The following RARB variants were observed in gnomAD, a reference collection of about 807,000 sequenced individuals.
The protein encoded by RARB is HBV-activated protein.
In RARB, 17 loss-of-function variants were observed where a neutral mutation model predicts 51.9. The observed-to-expected ratio is 0.33, with a 90% CI of 0.22 to 0.49. RARB has a LOEUF of 0.49. RARB is among the 20% of genes least tolerant of loss of function. The probability of loss-of-function intolerance (pLI) is 0.99; values close to 1 mark genes in which losing one functional copy is unlikely to be tolerated. For missense variants in RARB, 369 were observed against 550.8 expected, an observed-to-expected ratio of 0.67 and a Z score of 3.30; for synonymous variants, 215 against 195.4, an observed-to-expected ratio of 1.10 and a Z score of -0.84.
At chr3:25,414,537 G>C (rs1707650886) in intron 5 of RARB, among the ~76,000 whole-genome samples, 1 of 152,156 alleles carries the variant, frequency 6.6e-6, no homozygotes, top group Non-Finnish European at 1.5e-5. Flanking sequence ...GTATATGAGA[G>C]TTATAGTTTC....
intron 4 of RARB, among the ~76,000 whole-genome samples, chr3:25,140,224 T>G (rs58565307): frequency 6.6e-6 from 1 of 152,196 alleles, no homozygotes; most frequent in Non-Finnish European, 1.5e-5. Context: ...GATAGTGATT[T>G]CTCTGATGGA....
Position 25,593,531 on chromosome 3 carries a change from C to A in RARB, c.815C>A (p.Pro272Gln). The A allele has an allele frequency of 6.2e-7, 1 of 1,613,906 alleles. No homozygotes were observed. Among genetic ancestry groups the A allele is most frequent in the Non-Finnish European group, 8.5e-7 (1 of 1,179,908 alleles). ...CTTAGAATTTGCACCAGGTATACCC[C>A]AGAACAAGACACCATGACTTTCTCA... ...LILRICTRYT[P>Q]EQDTMTFSDG... is the part of the protein sequence containing the mutation. The change falls in exon 6 of 8, where the codon CCA becomes CAA. Residue 272 changes from proline (P) to glutamine (Q), a missense_variant. Pro to Gln is a moderately conservative substitution (Grantham distance 76). Coordinates refer to ENST00000330688, the MANE Select transcript of RARB (RefSeq NM_000965.5).
intron 5 of RARB, among the ~76,000 whole-genome samples, chr3:25,405,787 A>T (rs376603879): frequency 6.6e-6 from 1 of 152,212 alleles, no homozygotes. Flanking sequence ...TTATTGGACA[A>T]TGCTGCTCTG....
intron 2 of RARB, among the ~76,000 whole-genome samples, chr3:25,023,451 C>T (rs1697679963): frequency 1.3e-5 from 2 of 152,116 alleles, no homozygotes; most frequent in Non-Finnish European, 2.9e-5. Context: ...AGGCCTAGGA[C>T]TAATAGCTCA....
chr3:25,370,443 A>G (rs1706263625), intron 5 of RARB, among the ~76,000 whole-genome samples: 1 of 152,212 alleles, frequency 6.6e-6, no homozygotes. Context: ...TGGGAAATCT[A>G]AGTTGGGCCT....
intron 2 of RARB, among the ~76,000 whole-genome samples, chr3:24,859,328 T>C (rs1335093145): frequency 6.6e-6 from 1 of 152,112 alleles, no homozygotes. Flanking sequence ...AAAGTGGGAA[T>C]GGATTCAGGG....
intron 5 of RARB, among the ~76,000 whole-genome samples, chr3:25,271,633 A>G (rs1703260253): frequency 6.6e-6 from 1 of 152,194 alleles, no homozygotes; most frequent in African/African-American, 2.4e-5. Flanking sequence ...AGCATCTGAG[A>G]GGAAGGTTAG....
At chr3:25,164,933 T>G (rs1183686423) in intron 4 of RARB, among the ~76,000 whole-genome samples, 1 of 152,052 alleles carries the variant, frequency 6.6e-6, no homozygotes, top group Admixed American at 6.6e-5. Context: ...CAGTAACATA[T>G]CAGGCTTAAT....
At chr3:25,261,104 T>C (rs1702986711) in intron 5 of RARB, among the ~76,000 whole-genome samples, 1 of 152,110 alleles carries the variant, frequency 6.6e-6, no homozygotes, top group Non-Finnish European at 1.5e-5. Flanking sequence ...GGGTTTCTGG[T>C]AGGGAGTACA....
chr3:25,123,338 C>T (rs1004514139), intron 3 of RARB, among the ~76,000 whole-genome samples: 1 of 152,178 alleles, frequency 6.6e-6, no homozygotes, highest in African/African-American at 2.4e-5. Flanking sequence ...ATTTTGTAGG[C>T]TGCTCCTGTG....
At chr3:24,943,474 T>C (rs947101279) in intron 2 of RARB, among the ~76,000 whole-genome samples, 1 of 152,198 alleles carries the variant, frequency 6.6e-6, no homozygotes, top group African/African-American at 2.4e-5. Flanking sequence ...TTGTGGGCCA[T>C]ATGTTAGCAC....
At chr3:25,132,158 A>G (rs1699964633) in intron 3 of RARB, among the ~76,000 whole-genome samples, 1 of 151,874 alleles carries the variant, frequency 6.6e-6, no homozygotes, top group Non-Finnish European at 1.5e-5. Context: ...TCTTCTCCTC[A>G]AGGAAGGCTT....
chr3:25,024,064 C>G (rs1324902138), intron 2 of RARB, among the ~76,000 whole-genome samples: 5 of 152,128 alleles, frequency 3.3e-5, no homozygotes, highest in Non-Finnish European at 7.3e-5. Flanking sequence ...GCTCTACTCT[C>G]AGAGTCTTCC....
At chr3:25,123,066 T>C (rs1489978243) in intron 3 of RARB, among the ~76,000 whole-genome samples, 2 of 152,026 alleles carry the variant, frequency 1.3e-5, no homozygotes, top group African/African-American at 4.8e-5. Context: ...TTCTCCTGCA[T>C]GAGCATTGAG....
At chr3:24,897,375 G>A (rs1274340664) in intron 2 of RARB, among the ~76,000 whole-genome samples, 5 of 152,082 alleles carry the variant, frequency 3.3e-5, no homozygotes, top group African/African-American at 9.7e-5. Flanking sequence ...TTTTGACTTC[G>A]TTCTTCAAAA....
At chr3:25,403,082 G>A (rs1309314279) in intron 5 of RARB, among the ~76,000 whole-genome samples, 1 of 150,302 alleles carries the variant, frequency 6.7e-6, no homozygotes, top group Non-Finnish European at 1.5e-5. Context: ...AGAAATGCTT[G>A]AACCAGGGAG....
At chr3:25,053,056 G>C (rs1698368719) in intron 2 of RARB, among the ~76,000 whole-genome samples, 1 of 152,116 alleles carries the variant, frequency 6.6e-6, no homozygotes, top group African/African-American at 2.4e-5. Flanking sequence ...AAAATTAATT[G>C]AAACATTGAA....
At chr3:24,863,366 A>G (rs2125343511) in intron 2 of RARB, among the ~76,000 whole-genome samples, 1 of 152,320 alleles carries the variant, frequency 6.6e-6, no homozygotes, top group East Asian at 1.9e-4. Flanking sequence ...TAAAACGCTG[A>G]TAGTTAAACA....
At chr3:25,190,826 C>G (rs912255986) in intron 5 of RARB, among the ~76,000 whole-genome samples, 4 of 152,114 alleles carry the variant, frequency 2.6e-5, no homozygotes, top group African/African-American at 9.6e-5. Context: ...AAAAGTAATT[C>G]CTGTCTAATC....
Sources: allele counts gnomAD v4.1 joint callset (sites outside exome capture counted in the v4.1 genomes callset), GRCh38; gene constraint gnomAD v4.1.1; transcripts MANE v1.5; gene names NCBI Gene and HGNC (gene_info 2026-07-23, HGNC 2026-07-21).